The following SGSM1 variants were observed in gnomAD, a reference collection of about 807,000 sequenced individuals.
SGSM1 encodes the protein small G protein signaling modulator 1, also known as RUN and TBC1 domain containing 2.
Under a neutral mutation model 133.8 loss-of-function variants are expected in SGSM1, and 73 were observed. The ratio of observed to expected loss-of-function variants is 0.55; its 90% CI spans 0.45 to 0.66. The LOEUF (loss-of-function observed/expected upper bound fraction) is 0.66, where lower values mean the gene tolerates loss of function less well. Among genes scored for constraint, SGSM1 ranks in the 30% least tolerant of loss-of-function variants. The pLI, the probability that SGSM1 is intolerant of heterozygous loss-of-function variation, is 0.00. For synonymous variants in SGSM1, 563 were observed against 573.0 expected (o/e 0.98, Z 0.25); for missense variants, 1,213 against 1,448.1 (o/e 0.84, Z 2.64).
intron 16 of SGSM1, among the ~76,000 whole-genome samples, chr22:24,891,281 G>A (rs1932810087): frequency 6.6e-6 from 1 of 152,178 alleles, no homozygotes. Context: ...GATTGCTTGA[G>A]CCCAAGAGTT....
chr22:24,887,049 T>C (rs1324959013), intron 16 of SGSM1, among the ~76,000 whole-genome samples: 1 of 151,952 alleles, frequency 6.6e-6, no homozygotes, highest in East Asian at 1.9e-4. Flanking sequence ...AACCAGAAGA[T>C]TGACATGGTA....
At chr22:24,851,452 GA>G (rs1930476772) in intron 5 of SGSM1, among the ~76,000 whole-genome samples, 5 of 64,580 alleles carry the variant, frequency 7.7e-5, no homozygotes, top group African/African-American at 4.2e-4. Flanking sequence ...GGTGGGGGGA[GA>G]GAGAGAGAGA....
chr22:24,838,323 G>A (rs1441921830), intron 2 of SGSM1, among the ~76,000 whole-genome samples: 1 of 152,352 alleles, frequency 6.6e-6, no homozygotes, highest in East Asian at 1.9e-4. Flanking sequence ...AGAGAAGGGA[G>A]CTCAGTCTCA....
intron 17 of SGSM1, 21 bp downstream of exon 17, chr22:24,893,634 G>C (rs1406840351): frequency 6.5e-7 from 1 of 1,537,104 alleles, no homozygotes; most frequent in Non-Finnish European, 8.7e-7. Context: ...GCTGGCCTCG[G>C]GGAGCGCGGG....
chr22:24,905,633 A>C (rs1229203517), intron 21 of SGSM1, among the ~76,000 whole-genome samples: 1 of 151,856 alleles, frequency 6.6e-6, no homozygotes, highest in East Asian at 1.9e-4. Context: ...TAAAAATTAA[A>C]AAAAAATTAG....
chr22:24,841,129 C>T lies in SGSM1; in HGVS notation c.64-3768C>T, dbSNP rs557725572. Among the ~76,000 whole-genome samples the T allele has an allele frequency of 1.5e-3, 232 of 152,188 alleles. 2 individuals are homozygous for T. The highest frequency in any genetic ancestry group is 0.012 in the South Asian group (58 of 4,816). ...CCTCCCAAAGTGCTGGGATTACAGG[C>T]GTGAGCCACCGTGCCCTGCTGTGTT... On this transcript the variant is annotated intron_variant, in intron 2 of 24. Transcript: ENST00000400358.
At chr22:24,859,558 T>C in intron 8 of SGSM1, 158 bp from the exon 9 acceptor site, 1 of 1,027,612 alleles carries the variant, frequency 9.7e-7, no homozygotes, top group Non-Finnish European at 1.5e-6. Flanking sequence ...CATGGCCATC[T>C]GGAAGGAGGC....
chr22:24,891,002 A>G (rs1569165785), intron 16 of SGSM1, among the ~76,000 whole-genome samples: 1 of 152,218 alleles, frequency 6.6e-6, no homozygotes, highest in Non-Finnish European at 1.5e-5. Context: ...ACTTGTCGTG[A>G]ATAGAAGGAA....
chr22:24,849,836 C>T (rs970889234), intron 4 of SGSM1, among the ~76,000 whole-genome samples: 6 of 152,150 alleles, frequency 3.9e-5, no homozygotes, highest in Admixed American at 6.5e-5. Flanking sequence ...GGCATCTGCA[C>T]GTATCTCTGT....
At position 24,824,663 on chromosome 22, in the gene SGSM1, G is replaced by A. The variant is rs577649139; in HGVS notation, c.63+18179G>A. Among the ~76,000 whole-genome samples the A allele has an allele frequency of 5.9e-5, 9 of 152,162 alleles. No individual in the cohort carries two copies. In the East Asian group the frequency reaches 1.4e-3, roughly 23 times the overall value. ...ACGGTGGCTATGTGGGGGCAGTCACGGGCGATTTTTTTCTCTCCTTTACAG... is the reference window on the plus strand; with the variant it reads ...ACGGTGGCTATGTGGGGGCAGTCACAGGCGATTTTTTTCTCTCCTTTACAG... On this transcript the variant is annotated intron_variant, in intron 2 of 24. Transcript: ENST00000400358.
At chr22:24,921,360 A>G (rs919947919) in intron 24 of SGSM1, among the ~76,000 whole-genome samples, 1 of 152,224 alleles carries the variant, frequency 6.6e-6, no homozygotes, top group Non-Finnish European at 1.5e-5. Flanking sequence ...TTGGCCTCCC[A>G]AAGTGCTGGG....
At position 24,842,798 on chromosome 22, in the gene SGSM1, C is replaced by T. The variant is rs80081866; in HGVS notation, c.64-2099C>T. 1.9e-3 allele frequency among the ~76,000 whole-genome samples: 283 copies of T among 152,272 alleles called. 1 individual carries two copies. The highest frequency in any genetic ancestry group is 9.1e-3 in the East Asian group (47 of 5,180). On this transcript the variant is annotated intron_variant, in intron 2 of 24. Coordinates refer to ENST00000400358, the MANE Select transcript of SGSM1 (RefSeq NM_001098497.3). ...GCAGAGCTGATGACCTGCATGCAGCCGACATTTATTTGCAGCACATTTTGC... is the reference window on the plus strand; with the variant it reads ...GCAGAGCTGATGACCTGCATGCAGCTGACATTTATTTGCAGCACATTTTGC...
chr22:24,841,062 A>T (rs139658), intron 2 of SGSM1, among the ~76,000 whole-genome samples: 3 of 151,654 alleles, frequency 2.0e-5, no homozygotes, highest in African/African-American at 7.3e-5. Context: ...GTGTTAGCCA[A>T]GATGGTCTCG....
intron 4 of SGSM1, among the ~76,000 whole-genome samples, chr22:24,848,075 C>T (rs1157831340): frequency 6.6e-6 from 1 of 152,012 alleles, no homozygotes; most frequent in Admixed American, 6.6e-5. Context: ...TCCATATCAC[C>T]CTGTTTATTT....
rs148239854 is a variant in SGSM1, at chr22:24,890,984, C to T, written c.1771-2447C>T. Among the ~76,000 whole-genome samples, 7 of 152,238 alleles carry T rather than the reference C, an allele frequency of 4.6e-5. No individual in the cohort carries two copies. The East Asian group carries it at 1.3e-3, about 29-fold the overall frequency. The stretch of plus-strand genomic sequence containing the variant: ...TTATATCCCTGCCATAAACGAGAAG[C>T]CAGTATAACTTGTCGTGAATAGAAG... On this transcript the variant is annotated intron_variant, in intron 16 of 24. Coordinates refer to ENST00000400358, the MANE Select transcript of SGSM1 (RefSeq NM_001098497.3).
chr22:24,924,295 C>T lies in SGSM1; in HGVS notation c.*21C>T. On this transcript the variant is annotated 3_prime_UTR_variant, in exon 25 of 25. Coordinates refer to ENST00000400358, the MANE Select transcript of SGSM1 (RefSeq NM_001098497.3). The stretch of plus-strand genomic sequence containing the variant: ...AGTGAGGGGCACCTCACCCCGGCAG[C>T]CTCAGCCAAGCTGCCCCTGCCCCGC... 1 of 1,609,512 alleles carries T rather than the reference C, an allele frequency of 6.2e-7. No individual in the cohort carries two copies. The highest frequency in any genetic ancestry group is 8.5e-7 in the Non-Finnish European group (1 of 1,176,386).
intron 22 of SGSM1, among the ~76,000 whole-genome samples, chr22:24,914,986 T>C (rs1357479558): frequency 6.6e-6 from 1 of 152,134 alleles, no homozygotes; most frequent in African/African-American, 2.4e-5. Context: ...CCCAGCACTT[T>C]GGGAGGCTGA....
rs758832336 is a variant in SGSM1, at chr22:24,912,667, C to T, written c.2843C>T (p.Thr948Met). The change falls in exon 22 of 25, where the codon ACG becomes ATG. Residue 948 changes from threonine (T) to methionine (M), a missense_variant. Coordinates refer to ENST00000400358, the MANE Select transcript of SGSM1 (RefSeq NM_001098497.3). ...GAGGCCCTTGCCTTCAGCTGCTTCA[C>T]GGAGCTCATGAAGAGGATGAACCAG... ...DDEALAFSCF[T>M]ELMKRMNQNF... The T allele has an allele frequency of 2.9e-5, 47 of 1,613,218 alleles. No individual in the cohort carries two copies. The highest frequency in any genetic ancestry group is 3.8e-5 in the Non-Finnish European group (45 of 1,179,644).
intron 2 of SGSM1, among the ~76,000 whole-genome samples, chr22:24,807,164 T>C (rs933730913): frequency 6.6e-6 from 1 of 151,982 alleles, no homozygotes; most frequent in Admixed American, 6.6e-5. Flanking sequence ...AGGGGGGCAG[T>C]CTAGTCTTTA....
Sources: allele counts gnomAD v4.1 joint callset (sites outside exome capture counted in the v4.1 genomes callset), GRCh38; gene constraint gnomAD v4.1.1; transcripts MANE v1.5; gene names NCBI Gene and HGNC (gene_info 2026-07-23, HGNC 2026-07-21).